Variants in HAUS6 observed in about 807,000 individuals in gnomAD.
The protein encoded by HAUS6 is HAUS augmin-like complex subunit 6.
In HAUS6, 80 loss-of-function variants were observed where a neutral mutation model predicts 106.8. The observed-to-expected ratio is 0.75, with a 90% CI of 0.63 to 0.90. The LOEUF is 0.90. Among genes scored for constraint, HAUS6 ranks in the 40% least tolerant of loss-of-function variants. The pLI is 0.00. For missense variants in HAUS6, 1,155 were observed against 1,118.1 expected, an observed-to-expected ratio of 1.03 and a Z score of -0.47; for synonymous variants, 356 against 379.1, an observed-to-expected ratio of 0.94 and a Z score of 0.71.
intron 10 of HAUS6, among the ~76,000 whole-genome samples, chr9:19,077,705 C>T (rs996411921): frequency 6.6e-6 from 1 of 152,114 alleles, no homozygotes; most frequent in African/African-American, 2.4e-5. Context: ...ATACATACAA[C>T]ATTTCTAGGT....
intron 5 of HAUS6, among the ~76,000 whole-genome samples, chr9:19,088,451 A>C (rs549217277): frequency 2.0e-5 from 3 of 152,226 alleles, no homozygotes; most frequent in Middle Eastern, 3.4e-3. Context: ...CTATGGCAAT[A>C]TGCAAAAATT....
At chr9:19,076,840 TTTTA>T in intron 10 of HAUS6, 136 bp from the exon 11 acceptor site, 3 of 590,730 alleles carry the variant, frequency 5.1e-6, no homozygotes, top group Non-Finnish European at 9.1e-6. Context: ...AGATAACTAT[TTTTA>T]TTTATTTATT....
chr9:19,097,888 A>G (rs1008800229), intron 1 of HAUS6, among the ~76,000 whole-genome samples: 2 of 152,126 alleles, frequency 1.3e-5, no homozygotes, highest in African/African-American at 4.8e-5. Context: ...CTTCCAAAAA[A>G]TCAAATCAAG....
chr9:19,096,582 A>AAAAAG, intron 2 of HAUS6, 92 bp downstream of exon 2: 2 of 542,654 alleles, frequency 3.7e-6, no homozygotes, highest in Non-Finnish European at 6.4e-6. Flanking sequence ...AAAAAAAAAA[A>AAAAAG]AAAAAAAGGA....
chr9:19,101,489 T>A (rs1817986311), intron 1 of HAUS6, among the ~76,000 whole-genome samples: 1 of 151,610 alleles, frequency 6.6e-6, no homozygotes, highest in Admixed American at 6.6e-5. Flanking sequence ...GGAGACCCTG[T>A]CTCAAAACAA....
chr9:19,095,558 C>T (rs1187271979), intron 2 of HAUS6, among the ~76,000 whole-genome samples: 1 of 149,646 alleles, frequency 6.7e-6, no homozygotes, highest in Non-Finnish European at 1.5e-5. Flanking sequence ...AAACCCTATA[C>T]CTTAATAATA....
chr9:19,073,640 TC>T lies in HAUS6; in HGVS notation c.1294+2961del, dbSNP rs199749399. ...TAAGAGCTCTGTTGACTAGTGGATC[TC>T]CAAAAAAAAAAAAAAGAGAGAAATA... On this transcript the variant is annotated intron_variant, in intron 11 of 16. Coordinates refer to ENST00000380502, the MANE Select transcript of HAUS6 (RefSeq NM_017645.5). Among the ~76,000 whole-genome samples the T allele has an allele frequency of 4.6e-3, 590 of 129,238 alleles. 2 individuals carry two copies. Among genetic ancestry groups the T allele is most frequent in the African/African-American group, 0.016 (557 of 34,372 alleles). The allele number at this position is 129,238 out of a possible 152,430, so 84.8% of individuals were successfully genotyped here. A position where few individuals can be genotyped will look rare whatever the true frequency, so the allele number is the denominator to read the frequency against.
In HAUS6 at chr9:19,056,147, C is replaced by A. The variant is rs1410189337; in HGVS notation, c.*196G>T. The A allele has an allele frequency of 1.4e-5, 7 of 485,768 alleles. No individual in the cohort carries two copies. The highest frequency in any genetic ancestry group is 2.5e-5 in the Non-Finnish European group (7 of 277,032). The allele number at this position is 485,768 out of a possible 1,614,324, so 30.1% of individuals were successfully genotyped here. On this transcript the variant is annotated 3_prime_UTR_variant, in exon 17 of 17. Coordinates refer to ENST00000380502, the MANE Select transcript of HAUS6 (RefSeq NM_017645.5). ...ATACTTCACATTTCAATCTCATATA[C>A]CTACAAAGAGGAAAAAATCCAAACA...
chr9:19,098,392 C>T (rs935166806), intron 1 of HAUS6, among the ~76,000 whole-genome samples: 1 of 148,550 alleles, frequency 6.7e-6, no homozygotes, highest in East Asian at 2.0e-4. Context: ...GAGCCAAGAT[C>T]GCGCCACCGC....
intron 12 of HAUS6, among the ~76,000 whole-genome samples, chr9:19,064,028 C>G (rs1299854896): frequency 6.7e-6 from 1 of 148,888 alleles, no homozygotes; most frequent in African/African-American, 2.5e-5. Flanking sequence ...AGTGCAATGG[C>G]GCGATCTTGG....
At chr9:19,087,868 A>AC (rs1401554834) in intron 5 of HAUS6, among the ~76,000 whole-genome samples, 1 of 151,486 alleles carries the variant, frequency 6.6e-6, no homozygotes, top group Non-Finnish European at 1.5e-5. Context: ...AAAAAAAAAA[A>AC]AAACCACATG....
intron 2 of HAUS6, among the ~76,000 whole-genome samples, chr9:19,095,259 T>C (rs1817837785): frequency 6.6e-6 from 1 of 152,174 alleles, no homozygotes; most frequent in African/African-American, 2.4e-5. Flanking sequence ...ATTTACCTAC[T>C]GCTTTCCTTT....
At chr9:19,089,243 C>A (rs1817694029) in intron 5 of HAUS6, among the ~76,000 whole-genome samples, 169 bp downstream of exon 5, 1 of 151,474 alleles carries the variant, frequency 6.6e-6, no homozygotes, top group South Asian at 2.1e-4. Context: ...AGAACCAGAC[C>A]CTGTCTCAGA....
chr9:19,091,278 C>G (rs1817740764), intron 4 of HAUS6, among the ~76,000 whole-genome samples: 1 of 149,478 alleles, frequency 6.7e-6, no homozygotes, highest in African/African-American at 2.5e-5. Context: ...CCAGCTTGGG[C>G]AACAGAGTGA....
At chr9:19,086,030 G>C (rs1837286022) in intron 7 of HAUS6, among the ~76,000 whole-genome samples, 1 of 152,068 alleles carries the variant, frequency 6.6e-6, no homozygotes, top group Non-Finnish European at 1.5e-5. Context: ...AAAGAAAGGG[G>C]ACCGGGCGCA....
At position 19,070,232 on chromosome 9, in the gene HAUS6, C is replaced by A. The variant is rs762828267; in HGVS notation, c.1363G>T (p.Asp455Tyr). The change falls in exon 12 of 17, where the codon GAT becomes TAT. Residue 455 changes from aspartate to tyrosine, a missense_variant. Asp to Tyr is a radical substitution (Grantham distance 160). This residue lies in a region of HAUS6 where 761 missense variants were observed against 690.0 expected (regional missense o/e 1.10). Transcript: ENST00000380502. ...GDSDTLGALH[D>Y]LANSPASFLS... ...AATTTGTTTTACCTGTTGGCTAGAT[C>A]ATGTAGCGCTCCCAAGGTATCACTG... The A allele has an allele frequency of 6.4e-7, 1 of 1,574,578 alleles. No homozygotes were observed. The highest frequency in any genetic ancestry group is 1.7e-5 in the Admixed American group (1 of 59,876).
intron 14 of HAUS6, among the ~76,000 whole-genome samples, chr9:19,061,859 C>T (rs533744707): frequency 6.6e-6 from 1 of 152,202 alleles, no homozygotes; most frequent in South Asian, 2.1e-4. Flanking sequence ...AAGTGTCTGA[C>T]ATCCAGTTCT....
Position 19,057,950 on chromosome 9 carries a change from T to C in HAUS6, c.2806+11A>G, listed in dbSNP as rs769508319. 6.5e-7 allele frequency: 1 copy of C among 1,549,842 alleles called. No homozygotes were observed. The highest frequency in any genetic ancestry group is 8.8e-7 in the Non-Finnish European group (1 of 1,132,864). ...AACAGGTGAATATGCATAGGTCTAT[T>C]TAAACCTTACCCTTTAAATTAGGTA... On this transcript the variant is annotated intron_variant, in intron 16 of 16. Transcript: ENST00000380502.
At chr9:19,096,819 C>CG in intron 1 of HAUS6, 50 bp from the exon 2 acceptor site, 1 of 845,362 alleles carries the variant, frequency 1.2e-6, no homozygotes. Flanking sequence ...GGTTAATAAG[C>CG]TAAACATCAT....
Sources: allele counts gnomAD v4.1 joint callset (sites outside exome capture counted in the v4.1 genomes callset), GRCh38; gene constraint gnomAD v4.1.1; regional missense constraint gnomAD v4.1.1; transcripts MANE v1.5; gene names NCBI Gene and HGNC (gene_info 2026-07-23, HGNC 2026-07-21).